UNC80: variants seen among roughly 807,000 people sequenced by gnomAD.
The protein encoded by UNC80 is unc-80 subunit of NALCN channel complex.
Under a neutral mutation model 384.6 loss-of-function variants are expected in UNC80, and 164 were observed. The observed-to-expected ratio is 0.43, with a 90% CI of 0.38 to 0.49. The LOEUF is 0.49. Ranked by LOEUF, UNC80 falls within the 20% of genes least tolerant of loss-of-function variation. The pLI, the probability that UNC80 is intolerant of heterozygous loss-of-function variation, is 0.00. For synonymous variants in UNC80, 1,486 were observed against 1,527.8 expected (o/e 0.97, Z 0.64); for missense variants, 3,330 against 4,143.0 (o/e 0.80, Z 5.39).
chr2:209,944,180 C>T (rs1036572990), intron 45 of UNC80, among the ~76,000 whole-genome samples: 7 of 152,154 alleles, frequency 4.6e-5, no homozygotes, highest in Admixed American at 1.3e-4. Context: ...GCTCCTAACA[C>T]ATAAATAGAC....
At chr2:209,963,604 T>C (rs2092661487) in intron 51 of UNC80, among the ~76,000 whole-genome samples, 1 of 152,230 alleles carries the variant, frequency 6.6e-6, no homozygotes, top group Non-Finnish European at 1.5e-5. Flanking sequence ...CATATAGATA[T>C]ACTCTTATTT....
In UNC80 at chr2:209,917,720, C is replaced by T. The variant is rs2089669122; in HGVS notation, c.5030-57C>T. Reference sequence around the variant, plus strand: ...GAAGCAGTTTCCACTTCTCCCCAACCCCAGGAACTAAGCAATATTTTAAAA... The same window carrying T: ...GAAGCAGTTTCCACTTCTCCCCAACTCCAGGAACTAAGCAATATTTTAAAA... On this transcript the variant is annotated intron_variant, in intron 31 of 64. Transcript: ENST00000673920. 11 of 1,534,618 alleles carry T rather than the reference C, an allele frequency of 7.2e-6. No homozygotes were observed. The South Asian group carries it at 1.1e-4, about 15-fold the overall frequency.
chr2:209,809,525 G>A (rs2079180198), intron 7 of UNC80: 6 of 1,057,468 alleles, frequency 5.7e-6, no homozygotes, highest in South Asian at 2.6e-5. Context: ...ACCTTCTCCC[G>A]AATGGCCCTG....
intron 24 of UNC80, among the ~76,000 whole-genome samples, chr2:209,880,652 A>G (rs923771975): frequency 5.3e-5 from 8 of 152,218 alleles, no homozygotes; most frequent in Non-Finnish European, 8.8e-5. Flanking sequence ...TTGTTACTCT[A>G]TGATGCTTTA....
intron 31 of UNC80, among the ~76,000 whole-genome samples, chr2:209,917,242 T>G (rs2124947345): frequency 6.6e-6 from 1 of 152,352 alleles, no homozygotes; most frequent in South Asian, 2.1e-4. Context: ...GGCCTTTCAC[T>G]TACTGATATT....
At chr2:209,956,050 T>C (rs546685339) in intron 48 of UNC80, among the ~76,000 whole-genome samples, 181 of 152,098 alleles carry the variant, frequency 1.2e-3, no homozygotes, top group Middle Eastern at 3.4e-3. Context: ...AGCCTATTTC[T>C]CCTCATATTA....
chr2:209,938,910 A>G (rs1239435919), intron 42 of UNC80, among the ~76,000 whole-genome samples: 3 of 152,150 alleles, frequency 2.0e-5, no homozygotes, highest in African/African-American at 7.2e-5. Context: ...CACTGCATAT[A>G]AACTTCCTAA....
chr2:209,778,640 G>A lies in UNC80; in HGVS notation c.600+1081G>A, dbSNP rs139099340. ...TTTGTTGATATTACTTAACCCCTCA[G>A]TTGCTCTAACACGGGGTGAATATAT... is the stretch of plus-strand genomic sequence containing the variant. On this transcript the variant is annotated intron_variant, in intron 4 of 64. Coordinates refer to ENST00000673920, the MANE Select transcript of UNC80 (RefSeq NM_001371986.1). Among the ~76,000 whole-genome samples the A allele has an allele frequency of 5.4e-3, 817 of 152,244 alleles. 9 individuals carry two copies. The highest frequency in any genetic ancestry group is 0.019 in the African/African-American group (772 of 41,546).
chr2:209,914,033 G>A (rs2089247419), intron 31 of UNC80, 93 bp downstream of exon 31: 6 of 1,420,216 alleles, frequency 4.2e-6, no homozygotes, highest in Middle Eastern at 2.5e-4. Context: ...TTCTATTTTT[G>A]CTCCTAGGTC....
intron 44 of UNC80, among the ~76,000 whole-genome samples, chr2:209,943,044 T>G (rs1335933396): frequency 6.6e-6 from 1 of 152,222 alleles, no homozygotes; most frequent in Non-Finnish European, 1.5e-5. Context: ...AACCAAGATA[T>G]ATTTATGAAT....
Position 209,873,977 on chromosome 2 carries a change from A to ATGTG in UNC80, c.3840+1025_3840+1028dup, listed in dbSNP as rs3032480. ...CCTGTTTAAAAAGATACACGTATGT[A>ATGTG]TGTGTGTGTGTGTGTGTGTGTATGA... On this transcript the variant is annotated intron_variant, in intron 23 of 64. Transcript: ENST00000673920. Among the ~76,000 whole-genome samples the ATGTG allele has an allele frequency of 4.4e-3, 668 of 150,374 alleles. 5 individuals carry two copies. Among genetic ancestry groups the ATGTG allele is most frequent in the Middle Eastern group, 0.01 (3 of 288 alleles).
At chr2:209,961,293 T>C (rs1280951523) in intron 51 of UNC80, 1 of 152,130 alleles carries the variant, frequency 6.6e-6, no homozygotes, top group Non-Finnish European at 1.5e-5. Context: ...CTGGACACAA[T>C]AGATACTAAT....
chr2:209,927,855 A>C (rs969688745), intron 36 of UNC80, among the ~76,000 whole-genome samples: 1 of 152,186 alleles, frequency 6.6e-6, no homozygotes, highest in African/African-American at 2.4e-5. Context: ...TAAAATAAAA[A>C]ATATTTAGAA....
At chr2:209,929,779 G>A in intron 36 of UNC80, 92 bp from the exon 37 acceptor site, 3 of 976,754 alleles carry the variant, frequency 3.1e-6, no homozygotes, top group Non-Finnish European at 4.4e-6. Flanking sequence ...AAGGCAAAAA[G>A]CAGAGACTAA....
intron 25 of UNC80, among the ~76,000 whole-genome samples, chr2:209,887,505 C>T (rs1339284152): frequency 6.6e-6 from 1 of 152,222 alleles, no homozygotes; most frequent in African/African-American, 2.4e-5. Context: ...TAGCCTTAAT[C>T]ACATCTACAA....
intron 51 of UNC80, 59 bp from the exon 52 acceptor site, chr2:209,967,378 C>G (rs1057379835): frequency 7.7e-7 from 1 of 1,292,204 alleles, no homozygotes; most frequent in Non-Finnish European, 1.0e-6. Flanking sequence ...TAAAAAAATT[C>G]CTGTTGTGTA....
At chr2:209,957,554 T>A (rs1575142084) in intron 48 of UNC80, 90 bp from the exon 49 acceptor site, 1 of 1,176,190 alleles carries the variant, frequency 8.5e-7, no homozygotes, top group Non-Finnish European at 1.2e-6. Context: ...TTAAAACTTA[T>A]GTGTGCTTCA....
chr2:209,994,165 C>G lies in UNC80; in HGVS notation c.9609C>G (p.Ser3203Arg). Residue 3203 changes from serine (S) to arginine (R), a missense_variant, in exon 64 of 65, where the codon AGC becomes AGG. Physicochemically the swap from Ser to Arg is moderately radical, Grantham distance 110 (BLOSUM62 -1). This residue lies in a region of UNC80 where 236 missense variants were observed against 254.9 expected (regional missense o/e 0.93). Transcript: ENST00000673920. ...LPATGQLQGC[S>R]PAPSRKPEAM... ...CAACAGGCCAACTACAGGGCTGTAG[C>G]CCAGCCCCTTCTAGGAAACCAGAAG... is the stretch of plus-strand genomic sequence containing the variant. 1 of 1,551,538 alleles carries G rather than the reference C, an allele frequency of 6.4e-7. No homozygotes were observed. Among genetic ancestry groups the G allele is most frequent in the South Asian group, 1.2e-5 (1 of 84,058 alleles).
At position 209,771,908 on chromosome 2, in the gene UNC80, G is replaced by A. The variant is rs922582143; in HGVS notation, c.-165G>A. ...CCCGCAGCCATGTTCCACGCGCGGG[G>A]AGGGGTGGGGGGAGGGGAGAGGCAC... On this transcript the variant is annotated 5_prime_UTR_variant, in exon 1 of 65. Coordinates refer to ENST00000673920, the MANE Select transcript of UNC80 (RefSeq NM_001371986.1). 3 of 619,204 alleles carry A rather than the reference G, an allele frequency of 4.8e-6. No individual in the cohort carries two copies. Among genetic ancestry groups the A allele is most frequent in the Non-Finnish European group, 9.1e-6 (3 of 331,358 alleles). 38.4% of individuals were successfully genotyped at this position (619,204 alleles called of 1,614,324 possible).
Sources: gnomAD v4.1 joint callset for allele counts (sites outside exome capture counted in the v4.1 genomes callset) on GRCh38, gnomAD v4.1.1 for gene constraint, gnomAD v4.1.1 regional missense constraint, MANE v1.5 for transcripts, NCBI Gene and HGNC (gene_info 2026-07-23, HGNC 2026-07-21) for gene names.